The following ALCAM variants were observed in gnomAD, a reference collection of about 807,000 sequenced individuals.
ALCAM encodes activated leukocyte cell adhesion molecule, also known as CD166 antigen.
A neutral mutation model predicts 70.9 loss-of-function variants in ALCAM; 30 were observed. That is an observed-to-expected ratio of 0.42 (90% confidence interval 0.32 to 0.57). ALCAM has a LOEUF of 0.57. Ranked by LOEUF, ALCAM falls within the 20% of genes least tolerant of loss-of-function variation. The pLI, the probability that ALCAM is intolerant of heterozygous loss-of-function variation, is 0.11. For synonymous variants in ALCAM, 249 were observed against 242.5 expected, an observed-to-expected ratio of 1.03 and a Z score of -0.25; for missense variants, 591 against 695.1, an observed-to-expected ratio of 0.85 and a Z score of 1.68.
At chr3:105,406,685 A>G (rs1936240356) in intron 1 of ALCAM, among the ~76,000 whole-genome samples, 1 of 152,192 alleles carries the variant, frequency 6.6e-6, no homozygotes, top group African/African-American at 2.4e-5. Flanking sequence ...GAAAAGAAAT[A>G]ACTAAGATCA....
intron 1 of ALCAM, among the ~76,000 whole-genome samples, chr3:105,431,590 A>C (rs1173209931): frequency 6.6e-6 from 1 of 152,090 alleles, no homozygotes. Flanking sequence ...AATAGACTGT[A>C]ACTCCGTGGT....
At chr3:105,498,850 A>G (rs924545526) in intron 1 of ALCAM, among the ~76,000 whole-genome samples, 1 of 152,224 alleles carries the variant, frequency 6.6e-6, no homozygotes, top group Non-Finnish European at 1.5e-5. Flanking sequence ...CAAGAATGCA[A>G]TATGAGATAT....
chr3:105,550,280 A>C, intron 12 of ALCAM, 21 bp downstream of exon 12: 2 of 1,575,154 alleles, frequency 1.3e-6, no homozygotes, highest in Non-Finnish European at 1.7e-6. Context: ...TATTTCTGGC[A>C]TTACAAAAGT....
intron 1 of ALCAM, among the ~76,000 whole-genome samples, chr3:105,496,569 G>A (rs930758789): frequency 2.4e-4 from 37 of 152,110 alleles, no homozygotes; most frequent in Non-Finnish European, 4.0e-4. Context: ...CATTGTCTTC[G>A]CTTTTGCTGG....
chr3:105,459,398 C>T (rs1347509213), intron 1 of ALCAM, among the ~76,000 whole-genome samples: 1 of 151,894 alleles, frequency 6.6e-6, no homozygotes, highest in Non-Finnish European at 1.5e-5. Flanking sequence ...ATTATTTTTT[C>T]TAATAGATTG....
chr3:105,472,449 A>C (rs1439945876), intron 1 of ALCAM, among the ~76,000 whole-genome samples: 1 of 151,564 alleles, frequency 6.6e-6, no homozygotes, highest in African/African-American at 2.4e-5. Flanking sequence ...AGTTGCCTTG[A>C]TAATCCTAAG....
intron 1 of ALCAM, among the ~76,000 whole-genome samples, chr3:105,404,536 A>G (rs981088073): frequency 2.0e-5 from 3 of 152,302 alleles, no homozygotes; most frequent in Admixed American, 1.3e-4. Context: ...ACAAATGCTA[A>G]GAGAATTTGC....
chr3:105,474,144 C>CA (rs11439616), intron 1 of ALCAM, among the ~76,000 whole-genome samples: 28,313 of 151,518 alleles, frequency 0.19, 2,817 homozygotes, highest in East Asian at 0.37. Flanking sequence ...AGCAATTACC[C>CA]AAAGCATATG....
intron 1 of ALCAM, among the ~76,000 whole-genome samples, chr3:105,377,813 C>T (rs1345404531): frequency 2.0e-5 from 3 of 151,980 alleles, no homozygotes; most frequent in African/African-American, 7.2e-5. Flanking sequence ...TAAGAGACAG[C>T]CACATTTGAG....
At chr3:105,460,890 A>G (rs1239873965) in intron 1 of ALCAM, among the ~76,000 whole-genome samples, 3 of 151,764 alleles carry the variant, frequency 2.0e-5, no homozygotes, top group African/African-American at 7.3e-5. Flanking sequence ...AAAATGATAA[A>G]TTGACAATTT....
At chr3:105,525,942 C>A (rs1476261352) in intron 3 of ALCAM, among the ~76,000 whole-genome samples, 1 of 152,202 alleles carries the variant, frequency 6.6e-6, no homozygotes, top group African/African-American at 2.4e-5. Context: ...CCTGCATTTG[C>A]CAGTGGCCCA....
rs1001009280 is a variant in ALCAM, at chr3:105,508,692, A to G, written c.74-11375A>G. Among the ~76,000 whole-genome samples the G allele has an allele frequency of 2.0e-5, 3 of 152,284 alleles. 1 individual carries two copies. Among genetic ancestry groups the G allele is most frequent in the Admixed American group, 6.5e-5 (1 of 15,286 alleles). ...GATGACTACAGTTAAGCAAATCAAC[A>G]TATCACTCTCCTCACATAGTTATCA... is the stretch of plus-strand genomic sequence containing the variant. On this transcript the variant is annotated intron_variant, in intron 1 of 15. Transcript: ENST00000306107.
intron 1 of ALCAM, among the ~76,000 whole-genome samples, chr3:105,383,597 G>A (rs1187291527): frequency 6.6e-6 from 1 of 151,478 alleles, no homozygotes; most frequent in African/African-American, 2.4e-5. Context: ...CTAAAATATG[G>A]TCCTAAAAAG....
intron 1 of ALCAM, among the ~76,000 whole-genome samples, chr3:105,395,454 T>C (rs748327819): frequency 4.6e-5 from 7 of 152,046 alleles, no homozygotes; most frequent in African/African-American, 9.7e-5. Flanking sequence ...AATTGTTATG[T>C]ATGTATACTC....
intron 1 of ALCAM, among the ~76,000 whole-genome samples, chr3:105,371,999 G>C (rs1158610021): frequency 6.6e-6 from 1 of 152,094 alleles, no homozygotes; most frequent in Non-Finnish European, 1.5e-5. Context: ...TAACTTACTG[G>C]AATACTAAAG....
intron 1 of ALCAM, among the ~76,000 whole-genome samples, chr3:105,454,653 A>ATTTTTTTTTTTTTTTTTTTTTTT (rs59389132): frequency 8.1e-5 from 5 of 61,792 alleles, no homozygotes; most frequent in Non-Finnish European, 1.4e-4. Context: ...ATGCTCATTA[A>ATTTTTTTTTTTTTTTTTTTTTTT]TTTTTTTTTT....
intron 1 of ALCAM, among the ~76,000 whole-genome samples, chr3:105,426,454 G>T (rs1434160465): frequency 2.6e-5 from 4 of 151,738 alleles, no homozygotes; most frequent in African/African-American, 9.7e-5. Flanking sequence ...TCAAATCAGG[G>T]TAATTAACAT....
intron 1 of ALCAM, among the ~76,000 whole-genome samples, chr3:105,517,774 C>A (rs763507368): frequency 9.9e-5 from 15 of 152,098 alleles, no homozygotes; most frequent in Non-Finnish European, 1.9e-4. Flanking sequence ...GAGTATGTGG[C>A]AGAAATGAGA....
chr3:105,532,190 C>A, intron 4 of ALCAM, 124 bp downstream of exon 4: 1 of 800,600 alleles, frequency 1.2e-6, no homozygotes, highest in Non-Finnish European at 2.1e-6. Flanking sequence ...TTGCAGCTAC[C>A]AATCAGAAAT....
Sources: allele counts gnomAD v4.1 joint callset (sites outside exome capture counted in the v4.1 genomes callset), GRCh38; gene constraint gnomAD v4.1.1; transcripts MANE v1.5; gene names NCBI Gene and HGNC (gene_info 2026-07-23, HGNC 2026-07-21).